The following MAP3K2 variants were observed in gnomAD, a reference collection of about 807,000 sequenced individuals.
MAP3K2 encodes MAP/ERK kinase kinase 2.
MAP3K2 carries 24 observed loss-of-function variants against 80.3 expected under a neutral mutation model. The observed-to-expected ratio is 0.30, with a 90% CI of 0.22 to 0.42. The LOEUF (loss-of-function observed/expected upper bound fraction) is 0.42. Ranked by LOEUF, MAP3K2 falls within the 10% of genes least tolerant of loss-of-function variation. The pLI is 1.00. For synonymous variants in MAP3K2, 244 were observed against 253.7 expected, an observed-to-expected ratio of 0.96 and a Z score of 0.36; for missense variants, 608 against 750.1, an observed-to-expected ratio of 0.81 and a Z score of 2.21.
intron 15 of MAP3K2, among the ~76,000 whole-genome samples, chr2:127,311,885 CCTT>C (rs1280784499): frequency 6.6e-6 from 1 of 152,168 alleles, no homozygotes; most frequent in African/African-American, 2.4e-5. Context: ...CCTCCAATCT[CCTT>C]TTCTTTTTTC....
chr2:127,378,756 T>G (rs984242709), intron 1 of MAP3K2, among the ~76,000 whole-genome samples: 2 of 152,144 alleles, frequency 1.3e-5, no homozygotes, highest in African/African-American at 2.4e-5. Context: ...GTTTTTGTGT[T>G]TGTTTGTTTT....
At chr2:127,367,667 C>T (rs1686995828) in intron 1 of MAP3K2, among the ~76,000 whole-genome samples, 1 of 152,082 alleles carries the variant, frequency 6.6e-6, no homozygotes, top group Non-Finnish European at 1.5e-5. Context: ...GTGGCACATG[C>T]CTGTAATCCC....
chr2:127,374,878 G>C (rs1687123047), intron 1 of MAP3K2, among the ~76,000 whole-genome samples: 1 of 152,012 alleles, frequency 6.6e-6, no homozygotes, highest in African/African-American at 2.4e-5. Context: ...CCAAGGACAG[G>C]CCATAGAACG....
rs575810838 is a variant in MAP3K2 at position 127,333,579 on chromosome 2, C to T, written c.264+2291G>A. Among the ~76,000 whole-genome samples the T allele has an allele frequency of 2.2e-4, 34 of 152,214 alleles. No homozygotes were observed. In the South Asian group the frequency reaches 7.1e-3, roughly 32 times the overall value. On this transcript the variant is annotated intron_variant, in intron 5 of 16. Coordinates refer to ENST00000682094, the MANE Select transcript of MAP3K2 (RefSeq NM_001371910.2). ...CCAAGATCATGCATTTGGTTTGGGA[C>T]AATATGTCAAGATATGAAACAGGAT...
Position 127,337,718 on chromosome 2 carries a change from T to A in MAP3K2, c.164+20A>T. 7.2e-7 allele frequency: 1 copy of A among 1,384,012 alleles called. No individual in the cohort carries two copies. The highest frequency in any genetic ancestry group is 1.0e-6 in the Non-Finnish European group (1 of 1,003,026). 85.7% of individuals were successfully genotyped at this position (1,384,012 alleles called of 1,614,324 possible). ...ATTTGATTAAATCAATTAATTAACA[T>A]GTAATGTTTCCTTCCTTACCTTTTT... is the stretch of plus-strand genomic sequence containing the variant. On this transcript the variant is annotated intron_variant, in intron 4 of 16. Transcript: ENST00000682094.
chr2:127,380,165 C>T (rs1466148421), intron 1 of MAP3K2, among the ~76,000 whole-genome samples: 1 of 152,146 alleles, frequency 6.6e-6, no homozygotes, highest in Non-Finnish European at 1.5e-5. Flanking sequence ...CTGCACTGTG[C>T]TAGGTACTGG....
At chr2:127,372,250 T>C (rs1157615248) in intron 1 of MAP3K2, among the ~76,000 whole-genome samples, 2 of 152,104 alleles carry the variant, frequency 1.3e-5, no homozygotes, top group East Asian at 3.9e-4. Context: ...GCATATTTCT[T>C]CCCCCGGGAT....
chr2:127,352,794 C>T (rs1470623796), intron 1 of MAP3K2, among the ~76,000 whole-genome samples: 4 of 151,908 alleles, frequency 2.6e-5, no homozygotes, highest in Non-Finnish European at 5.9e-5. Flanking sequence ...ACTGCAACCT[C>T]CCTGCCTGAT....
chr2:127,387,070 G>T (rs1558994432), intron 1 of MAP3K2, among the ~76,000 whole-genome samples: 1 of 151,984 alleles, frequency 6.6e-6, no homozygotes, highest in South Asian at 2.1e-4. Flanking sequence ...AGAAAAGGGG[G>T]AAACAACCTT....
chr2:127,378,124 G>C (rs1687180930), intron 1 of MAP3K2: 1 of 971,452 alleles, frequency 1.0e-6, no homozygotes, highest in Admixed American at 6.2e-5. Flanking sequence ...GATACTGAGA[G>C]AAGATGACAG....
rs1287285389 is a variant in MAP3K2 at position 127,325,676 on chromosome 2, ACT to A, written c.677+50_677+51del. The A allele has an allele frequency of 1.9e-5, 27 of 1,437,944 alleles. No homozygotes were observed. The East Asian group carries it at 4.6e-4, about 24-fold the overall frequency. The allele number at this position is 1,437,944 out of a possible 1,614,324, so 89.1% of individuals were successfully genotyped here. ...GCGCTCCAGCCTGGGTGACAGCAAAACTCTGTCTCAAATAAACAAATAAACCC... is the reference window on the plus strand; with the variant it reads ...GCGCTCCAGCCTGGGTGACAGCAAAACTGTCTCAAATAAACAAATAAACCC... On this transcript the variant is annotated intron_variant, in intron 9 of 16. Transcript: ENST00000682094.
chr2:127,362,809 C>T (rs1457318408), intron 1 of MAP3K2, among the ~76,000 whole-genome samples: 1 of 152,140 alleles, frequency 6.6e-6, no homozygotes, highest in African/African-American at 2.4e-5. Context: ...GCACTTAGAA[C>T]AATACCAGAG....
intron 1 of MAP3K2, among the ~76,000 whole-genome samples, chr2:127,369,455 AC>A (rs1687024903): frequency 1.6e-5 from 2 of 126,244 alleles, no homozygotes; most frequent in Admixed American, 8.3e-5. Context: ...ACACGGTGAA[AC>A]CCCGTCTCTA....
chr2:127,368,036 T>A (rs1326606201), intron 1 of MAP3K2, among the ~76,000 whole-genome samples: 8 of 151,950 alleles, frequency 5.3e-5, no homozygotes, highest in Non-Finnish European at 1.2e-4. Context: ...AAATGGCAAG[T>A]ATCGGCTGGG....
At chr2:127,348,830 T>A (rs1243802949) in intron 1 of MAP3K2, among the ~76,000 whole-genome samples, 1 of 152,172 alleles carries the variant, frequency 6.6e-6, no homozygotes, top group Admixed American at 6.5e-5. Context: ...GATCATTTGC[T>A]CACCTAGAGA....
chr2:127,341,219 G>A (rs554941171), intron 2 of MAP3K2, among the ~76,000 whole-genome samples: 2 of 151,842 alleles, frequency 1.3e-5, no homozygotes, highest in African/African-American at 2.4e-5. Context: ...TCGATCTCCC[G>A]GCCTCGTGAT....
At chr2:127,318,663 AGTTT>A (rs1410436119) in intron 12 of MAP3K2, among the ~76,000 whole-genome samples, 1 of 152,202 alleles carries the variant, frequency 6.6e-6, no homozygotes, top group African/African-American at 2.4e-5. Flanking sequence ...ATTTGTACTT[AGTTT>A]TTCAGCCTCC....
At chr2:127,386,692 A>G (rs1687356621) in intron 1 of MAP3K2, among the ~76,000 whole-genome samples, 1 of 152,354 alleles carries the variant, frequency 6.6e-6, no homozygotes, top group South Asian at 2.1e-4. Context: ...AGCCAAGAAA[A>G]TGATTTGGCA....
Position 127,343,199 on chromosome 2 carries a change from G to A in MAP3K2, c.-65-5C>T. On this transcript the variant is annotated splice_polypyrimidine_tract_variant and splice_region_variant and intron_variant, in intron 1 of 16. Coordinates refer to ENST00000682094, the MANE Select transcript of MAP3K2 (RefSeq NM_001371910.2). ...CCCATCAGCATTCTTTATGGCCTGAGAAGATAAAACAGATCAGCATATTAA... is the reference window on the plus strand; with the variant it reads ...CCCATCAGCATTCTTTATGGCCTGAAAAGATAAAACAGATCAGCATATTAA... 3.3e-6 allele frequency: 4 copies of A among 1,203,534 alleles called. No homozygotes were observed. Among genetic ancestry groups the A allele is most frequent in the East Asian group, 5.2e-5 (2 of 38,134 alleles). The allele number at this position is 1,203,534 out of a possible 1,614,324, so 74.6% of individuals were successfully genotyped here. A position where few individuals can be genotyped will look rare whatever the true frequency, so the allele number is the denominator to read the frequency against.
Sources: allele counts gnomAD v4.1 joint callset (sites outside exome capture counted in the v4.1 genomes callset), GRCh38; gene constraint gnomAD v4.1.1; transcripts MANE v1.5; gene names NCBI Gene and HGNC (gene_info 2026-07-23, HGNC 2026-07-21).